Variants in NT5C3B observed in about 807,000 individuals in gnomAD.
NT5C3B encodes 5'-nucleotidase, cytosolic IIIB, also known as 7-methylguanosine phosphate-specific 5'-nucleotidase.
In NT5C3B, 28 loss-of-function variants were observed where a neutral mutation model predicts 32.5. The ratio of observed to expected loss-of-function variants is 0.86; its 90% CI spans 0.64 to 1.18. NT5C3B has a LOEUF of 1.18. Among genes scored for constraint, NT5C3B ranks in the 50% most tolerant of loss-of-function variants. The pLI, the probability that NT5C3B is intolerant of heterozygous loss-of-function variation, is 0.00. For synonymous variants in NT5C3B, 138 were observed against 118.0 expected (o/e 1.17, Z -1.10); for missense variants, 317 against 322.0 (o/e 0.98, Z 0.12).
In NT5C3B at chr17:41,827,485, T is replaced by C. The variant is rs1555618368; in HGVS notation, c.709A>G (p.Met237Val). Residue 237 changes from methionine (M) to valine (V), a missense_variant, in exon 8 of 9, where the codon ATG becomes GTG. Physicochemically the swap from Met to Val is conservative, Grantham distance 21. Coordinates refer to ENST00000435506, the MANE Select transcript of NT5C3B (RefSeq NM_052935.5). ...LLGDSIGDLTMADGVPGVQNI... is the reference protein window; with the variant it reads ...LLGDSIGDLTVADGVPGVQNI... ...TGCACACCAGGAACCCCATCGGCCA[T>C]GGTGAGGTCCCCGATAGAGTCTCCC... The C allele has an allele frequency of 3.4e-6, 3 of 872,966 alleles. No individual in the cohort carries two copies. Among genetic ancestry groups the C allele is most frequent in the South Asian group, 1.3e-5 (1 of 76,534 alleles). The allele number at this position is 872,966 out of a possible 1,614,324, so 54.1% of individuals were successfully genotyped here.
At chr17:41,829,855 T>C (rs1316597304) in intron 6 of NT5C3B, among the ~76,000 whole-genome samples, 1 of 152,122 alleles carries the variant, frequency 6.6e-6, no homozygotes. Flanking sequence ...GATGCTGTTG[T>C]GGTGGAAGGT....
chr17:41,832,062 T>C (rs1161130800), intron 5 of NT5C3B, among the ~76,000 whole-genome samples: 1 of 151,746 alleles, frequency 6.6e-6, no homozygotes, highest in Non-Finnish European at 1.5e-5. Context: ...TCTCAAAAAA[T>C]AGAAAAAATA....
Position 41,825,640 on chromosome 17 carries a change from C to T in NT5C3B, c.786G>A (p.Glu262=). The change falls in exon 9 of 9, where the codon GAG becomes GAA. Residue 262 remains glutamate (E), a synonymous_variant. Transcript: ENST00000435506. ...CGATGTCATAGGAGTCCATGTAGCG[C>T]TCCCGCCGCTCCTCCACCTGCCCGG... ...FLNDKVEERR[E]RYMDSYDIVL... is the part of the protein sequence containing the mutation. The T allele has an allele frequency of 1.1e-6, 1 of 870,976 alleles. No homozygotes were observed. Among genetic ancestry groups the T allele is most frequent in the Non-Finnish European group, 2.0e-6 (1 of 500,278 alleles). The allele number at this position is 870,976 out of a possible 1,614,324, so 54.0% of individuals were successfully genotyped here.
chr17:41,828,918 G>C lies in NT5C3B; in HGVS notation c.439C>G (p.His147Asp). The C allele has an allele frequency of 6.2e-7, 1 of 1,613,826 alleles. No individual in the cohort carries two copies. Reference protein sequence around the residue: ...GYKTFFNTLYHNNIPLFIFSA... With the variant: ...GYKTFFNTLYDNNIPLFIFSA... ...AAGATGAAAAGGGGAATGTTGTTAT[G>C]GTAGAGTGTGTTGAAGAAGGTCTTA... Residue 147 changes from histidine (H) to aspartate (D), a missense_variant, in exon 7 of 9, where the codon CAT becomes GAT. Coordinates refer to ENST00000435506, the MANE Select transcript of NT5C3B (RefSeq NM_052935.5).
intron 8 of NT5C3B, among the ~76,000 whole-genome samples, chr17:41,827,010 A>G (rs1427196119): frequency 6.6e-5 from 10 of 151,468 alleles, no homozygotes; most frequent in Non-Finnish European, 4.4e-5. Flanking sequence ...AAAAAAAAAA[A>G]AAAAAAGAAA....
rs1468756693 is a variant in NT5C3B, at chr17:41,836,196, C to A, written c.-3G>T. ...TCCCTCCTCACCTCCTCTGCCATCC[C>A]GTTCGAGGCCTGGTCGGCGGCTCGC... is the stretch of plus-strand genomic sequence containing the variant. On this transcript the variant is annotated 5_prime_UTR_variant, in exon 1 of 9. Coordinates refer to ENST00000435506, the MANE Select transcript of NT5C3B (RefSeq NM_052935.5). 3 of 1,249,562 alleles carry A rather than the reference C, an allele frequency of 2.4e-6. No individual in the cohort carries two copies. Among genetic ancestry groups the A allele is most frequent in the African/African-American group, 3.1e-5 (2 of 64,312 alleles). 77.4% of individuals were successfully genotyped at this position (1,249,562 alleles called of 1,614,324 possible).
intron 6 of NT5C3B, among the ~76,000 whole-genome samples, chr17:41,830,363 C>A (rs1303023092): frequency 6.6e-6 from 1 of 152,166 alleles, no homozygotes; most frequent in Non-Finnish European, 1.5e-5. Context: ...CAAAAATTAG[C>A]CGGGTGTGGT....
intron 8 of NT5C3B, 46 bp downstream of exon 8, chr17:41,827,380 A>C (rs1555618335): frequency 1.2e-6 from 1 of 832,746 alleles, no homozygotes; most frequent in Non-Finnish European, 2.1e-6. Context: ...TGGGCATTCA[A>C]AGAGAAGAAA....
At chr17:41,835,448 T>C (rs1051791228) in intron 2 of NT5C3B, 176 bp from the exon 3 acceptor site, 7 of 648,124 alleles carry the variant, frequency 1.1e-5, no homozygotes, top group African/African-American at 1.8e-5. Flanking sequence ...TCCTAATTAG[T>C]ACCCGTTAAC....
rs936528082 is a variant in NT5C3B at position 41,835,402 on chromosome 17, G to A, written c.112-130C>T. 1.1e-5 allele frequency: 8 copies of A among 750,398 alleles called. No homozygotes were observed. In the Admixed American group the frequency reaches 1.5e-4, roughly 14 times the overall value. 46.5% of individuals were successfully genotyped at this position (750,398 alleles called of 1,614,324 possible). On this transcript the variant is annotated intron_variant, in intron 2 of 8. Transcript: ENST00000435506. ...AGGATGTAGGCAAAGCCCTAGGGGAGTTACCGAGTGACACAGAGGGATAGA... is the reference window on the plus strand; with the variant it reads ...AGGATGTAGGCAAAGCCCTAGGGGAATTACCGAGTGACACAGAGGGATAGA...
Position 41,828,813 on chromosome 17 carries a change from T to TA in NT5C3B, c.543dup (p.Asn182Ter), listed in dbSNP as rs781858558. 16 of 1,613,810 alleles carry TA rather than the reference T, an allele frequency of 9.9e-6. No homozygotes were observed. The African/African-American group carries it at 1.7e-4, about 18-fold the overall frequency. On this transcript the variant is annotated frameshift_variant, in exon 7 of 9. Coordinates refer to ENST00000435506, the MANE Select transcript of NT5C3B (RefSeq NM_052935.5). LOFTEE classifies it high-confidence loss of function. ...ACATCTTCATTAAAATCCATGTAGT[T>TA]AGACACGATGTGGATGTTGGGGTGG...
At chr17:41,829,870 A>C (rs2048023687) in intron 6 of NT5C3B, among the ~76,000 whole-genome samples, 1 of 152,112 alleles carries the variant, frequency 6.6e-6, no homozygotes, top group African/African-American at 2.4e-5. Context: ...GAAGGTAGGC[A>C]TATGTTTTCT....
chr17:41,835,755 G>C, intron 2 of NT5C3B, 104 bp downstream of exon 2: 3 of 1,175,346 alleles, frequency 2.6e-6, no homozygotes, highest in Non-Finnish European at 3.7e-6. Flanking sequence ...TTGGGGCAGA[G>C]AGCTAGGAGG....
At chr17:41,832,799 CG>C in intron 4 of NT5C3B, 1 of 198,268 alleles carries the variant, frequency 5.0e-6, no homozygotes, top group Non-Finnish European at 1.1e-5. Flanking sequence ...ACCCAGGAGG[CG>C]GAGGTTGCAG....
intron 2 of NT5C3B, 185 bp downstream of exon 2, chr17:41,835,674 T>C (rs1597927295): frequency 7.0e-6 from 5 of 718,822 alleles, no homozygotes; most frequent in East Asian, 5.4e-5. Context: ...CATGACCATA[T>C]TGAGAAATCT....
At chr17:41,834,986 A>G (rs1167319980) in intron 4 of NT5C3B, 84 bp downstream of exon 4, 16 of 1,343,304 alleles carry the variant, frequency 1.2e-5, no homozygotes, top group Non-Finnish European at 1.7e-5. Context: ...TAAGGTCTCT[A>G]TACTGGAATC....
chr17:41,834,637 A>G (rs1351494094), intron 4 of NT5C3B, among the ~76,000 whole-genome samples: 3 of 151,860 alleles, frequency 2.0e-5, no homozygotes, highest in African/African-American at 7.3e-5. Context: ...AGTTCCAGCT[A>G]CTCAGTAGGG....
At chr17:41,835,023 A>G in intron 4 of NT5C3B, 47 bp downstream of exon 4, 1 of 1,559,150 alleles carries the variant, frequency 6.4e-7, no homozygotes, top group East Asian at 2.2e-5. Flanking sequence ...AACCATTTGA[A>G]GTAGCAAATG....
chr17:41,826,773 G>A (rs1254231001), intron 8 of NT5C3B, among the ~76,000 whole-genome samples: 1 of 152,094 alleles, frequency 6.6e-6, no homozygotes, highest in Non-Finnish European at 1.5e-5. Flanking sequence ...GACTGAGGCA[G>A]GCAGATCACC....
Sources: gnomAD v4.1 joint callset for allele counts (sites outside exome capture counted in the v4.1 genomes callset) on GRCh38, gnomAD v4.1.1 for gene constraint, MANE v1.5 for transcripts, NCBI Gene and HGNC (gene_info 2026-07-23, HGNC 2026-07-21) for gene names.